The following GABRA4 variants were observed in gnomAD, a reference collection of about 807,000 sequenced individuals.
GABRA4 encodes the protein gamma-aminobutyric acid type A receptor subunit alpha4.
GABRA4 carries 12 observed loss-of-function variants against 49.7 expected under a neutral mutation model. That is an observed-to-expected ratio of 0.24 (90% CI 0.15 to 0.39). The LOEUF is 0.39. GABRA4 is among the 10% of genes least tolerant of loss of function. GABRA4 has a pLI of 1.00. For missense variants in GABRA4, 506 were observed against 686.0 expected (o/e 0.74, Z 2.93); for synonymous variants, 288 against 240.2 (o/e 1.20, Z -1.84).
At chr4:46,938,652 G>T (rs1721680319) in intron 8 of GABRA4, among the ~76,000 whole-genome samples, 1 of 151,972 alleles carries the variant, frequency 6.6e-6, no homozygotes, top group African/African-American at 2.4e-5. Context: ...GACAATGTTT[G>T]CCTACTGAAC....
At chr4:46,954,956 A>G (rs1013123128) in intron 8 of GABRA4, among the ~76,000 whole-genome samples, 1 of 152,140 alleles carries the variant, frequency 6.6e-6, no homozygotes, top group African/African-American at 2.4e-5. Flanking sequence ...ATAACAACAT[A>G]ACAACAGATG....
chr4:46,974,279 T>C lies in GABRA4; in HGVS notation c.674A>G (p.Asp225Gly). The change falls in exon 6 of 9, where the codon GAT becomes GGT. Residue 225 changes from aspartate to glycine, a missense_variant. Asp to Gly is a moderately conservative substitution (Grantham distance 94). Around this residue, in one of 5 missense-constraint regions of GABRA4, gnomAD observed 195 missense variants for 326.0 expected, o/e 0.60. Transcript: ENST00000264318. Reference sequence around the variant, plus strand: ...ACTTGATACGGTTTGCCCAATCAAATCATATTGAACTAAGCTGGAAGACTC... The same window carrying C: ...ACTTGATACGGTTTGCCCAATCAAACCATATTGAACTAAGCTGGAAGACTC... ...PKESSSLVQY[D>G]LIGQTVSSET... 1.2e-6 allele frequency: 2 copies of C among 1,611,588 alleles called. No individual in the cohort carries two copies. Among genetic ancestry groups the C allele is most frequent in the Non-Finnish European group, 1.7e-6 (2 of 1,178,432 alleles).
chr4:46,974,432 T>C (rs1723064779), intron 5 of GABRA4, 57 bp from the exon 6 acceptor site: 1 of 1,489,092 alleles, frequency 6.7e-7, no homozygotes, highest in African/African-American at 1.4e-5. Flanking sequence ...TCCACATCAG[T>C]GGTCAACACT....
In GABRA4 at chr4:46,993,520, C is replaced by A; in HGVS notation, c.-96G>T. ...GGAGAGGGCAGAGAGGCTCCCGCGGCGTGCGCACACTCGCGCTCACACTCG... is the reference window on the plus strand; with the variant it reads ...GGAGAGGGCAGAGAGGCTCCCGCGGAGTGCGCACACTCGCGCTCACACTCG... On this transcript the variant is annotated 5_prime_UTR_variant, in exon 1 of 9. Transcript: ENST00000264318. 1 of 1,300,850 alleles carries A rather than the reference C, an allele frequency of 7.7e-7. No individual in the cohort carries two copies. Among genetic ancestry groups the A allele is most frequent in the African/African-American group, 1.5e-5 (1 of 68,668 alleles). The allele number at this position is 1,300,850 out of a possible 1,614,324, so 80.6% of individuals were successfully genotyped here. A position where few individuals can be genotyped will look rare whatever the true frequency, so the allele number is the denominator to read the frequency against.
intron 2 of GABRA4, among the ~76,000 whole-genome samples, chr4:46,981,644 C>T (rs1723360722): frequency 6.6e-6 from 1 of 152,014 alleles, no homozygotes; most frequent in Admixed American, 6.6e-5. Flanking sequence ...CTCAGGAATT[C>T]CCTGACTCAA....
At chr4:46,990,762 C>T (rs1257775316) in intron 2 of GABRA4, among the ~76,000 whole-genome samples, 1 of 152,208 alleles carries the variant, frequency 6.6e-6, no homozygotes, top group Non-Finnish European at 1.5e-5. Flanking sequence ...CATGCATTGA[C>T]AAATGATTCA....
In GABRA4 at chr4:46,922,033, T is replaced by C. The variant is rs547531273; in HGVS notation, c.*6192A>G. 1.3e-5 allele frequency: 2 copies of C among 152,142 alleles called. No individual in the cohort carries two copies. Among genetic ancestry groups the C allele is most frequent in the Non-Finnish European group, 2.9e-5 (2 of 68,028 alleles). 9.4% of individuals were successfully genotyped at this position (152,142 alleles called of 1,614,324 possible). Reference sequence around the variant, plus strand: ...AGGCAAGAAAAAGACAAAATCTGTCTTCATACGATTTTACTATATACTTCC... The same window carrying C: ...AGGCAAGAAAAAGACAAAATCTGTCCTCATACGATTTTACTATATACTTCC... On this transcript the variant is annotated 3_prime_UTR_variant, in exon 9 of 9. Transcript: ENST00000264318.
rs778019656 is a variant in GABRA4 at position 46,922,174 on chromosome 4, C to T, written c.*6051G>A. 4 of 151,976 alleles carry T rather than the reference C, an allele frequency of 2.6e-5. No individual in the cohort carries two copies. Among genetic ancestry groups the T allele is most frequent in the Admixed American group, 6.6e-5 (1 of 15,242 alleles). 9.4% of individuals were successfully genotyped at this position (151,976 alleles called of 1,614,324 possible). A position where few individuals can be genotyped will look rare whatever the true frequency, so the allele number is the denominator to read the frequency against. The stretch of plus-strand genomic sequence containing the variant: ...GGCTAATGTGGGGAAGGGGGTGGGA[C>T]TACAAGCAATAATCACTAGCAATAA... On this transcript the variant is annotated 3_prime_UTR_variant, in exon 9 of 9. Coordinates refer to ENST00000264318, the MANE Select transcript of GABRA4 (RefSeq NM_000809.4).
intron 2 of GABRA4, among the ~76,000 whole-genome samples, chr4:46,988,267 T>A (rs1210869388): frequency 6.6e-6 from 1 of 152,194 alleles, no homozygotes; most frequent in Admixed American, 6.5e-5. Flanking sequence ...TATTTCTTTG[T>A]TATATTCATC....
intron 8 of GABRA4, among the ~76,000 whole-genome samples, chr4:46,961,264 A>C (rs978502428): frequency 5.9e-5 from 9 of 151,966 alleles, no homozygotes; most frequent in African/African-American, 1.7e-4. Context: ...CAGGACCCTG[A>C]CCAGTTAATC....
rs1041016827 is a variant in GABRA4, at chr4:46,920,936, C to A, written c.*7289G>T. ...GAGGTATCTGATGACATTTCAAATA[C>A]ATTTGTGTAATTCTTTTTTGCAGGT... On this transcript the variant is annotated 3_prime_UTR_variant, in exon 9 of 9. Transcript: ENST00000264318. The A allele has an allele frequency of 6.6e-6, 1 of 151,776 alleles. No individual in the cohort carries two copies. The highest frequency in any genetic ancestry group is 2.4e-5 in the African/African-American group (1 of 41,394). The allele number at this position is 151,776 out of a possible 1,614,324, so 9.4% of individuals were successfully genotyped here. A position where few individuals can be genotyped will look rare whatever the true frequency, so the allele number is the denominator to read the frequency against.
intron 2 of GABRA4, among the ~76,000 whole-genome samples, chr4:46,981,264 G>A (rs1010182917): frequency 5.3e-5 from 8 of 151,992 alleles, no homozygotes; most frequent in Non-Finnish European, 1.0e-4. Flanking sequence ...AAAAGAATTA[G>A]GCCAATGATA....
intron 8 of GABRA4, among the ~76,000 whole-genome samples, chr4:46,942,061 A>G (rs1250737950): frequency 6.6e-6 from 1 of 152,178 alleles, no homozygotes; most frequent in East Asian, 1.9e-4. Flanking sequence ...GGCATAACAT[A>G]CTTTTAATTT....
intron 8 of GABRA4, among the ~76,000 whole-genome samples, chr4:46,961,224 A>G (rs1309904653): frequency 1.3e-5 from 2 of 151,880 alleles, no homozygotes; most frequent in African/African-American, 4.8e-5. Context: ...TAAAGGGCCC[A>G]GTGCCCTGTA....
intron 6 of GABRA4, among the ~76,000 whole-genome samples, chr4:46,972,693 A>T (rs1722991966): frequency 6.6e-6 from 1 of 151,622 alleles, no homozygotes; most frequent in Non-Finnish European, 1.5e-5. Context: ...TGCGGTGGAT[A>T]TCTAGGATTT....
At chr4:46,945,897 C>T (rs1017396096) in intron 8 of GABRA4, among the ~76,000 whole-genome samples, 3 of 151,992 alleles carry the variant, frequency 2.0e-5, no homozygotes, top group Admixed American at 2.0e-4. Context: ...AATGCCTCAC[C>T]TTTTTCTAGG....
intron 2 of GABRA4, among the ~76,000 whole-genome samples, chr4:46,991,774 TG>T (rs1186994597): frequency 1.3e-5 from 2 of 152,070 alleles, no homozygotes; most frequent in African/African-American, 2.4e-5. Context: ...AAAGCTTTGT[TG>T]TGAGGGTTAA....
At chr4:46,969,973 G>C (rs917786337) in intron 7 of GABRA4, among the ~76,000 whole-genome samples, 5 of 150,916 alleles carry the variant, frequency 3.3e-5, no homozygotes, top group African/African-American at 1.2e-4. Context: ...CCCCATATGA[G>C]TTTCTCCAGT....
intron 2 of GABRA4, among the ~76,000 whole-genome samples, chr4:46,985,728 T>A (rs905988824): frequency 6.6e-6 from 1 of 152,026 alleles, no homozygotes; most frequent in Non-Finnish European, 1.5e-5. Flanking sequence ...ATGCAATGGA[T>A]ACATCCTAAC....
Sources: allele counts gnomAD v4.1 joint callset (sites outside exome capture counted in the v4.1 genomes callset), GRCh38; gene constraint gnomAD v4.1.1; regional missense constraint gnomAD v4.1.1; transcripts MANE v1.5; gene names NCBI Gene and HGNC (gene_info 2026-07-23, HGNC 2026-07-21).